The following ROBO1 variants were observed in gnomAD, a reference collection of about 807,000 sequenced individuals.
ROBO1 encodes roundabout guidance receptor 1.
Under a neutral mutation model 195.9 loss-of-function variants are expected in ROBO1, and 149 were observed. The ratio of observed to expected loss-of-function variants is 0.76; its 90% CI spans 0.67 to 0.87. ROBO1 has a LOEUF of 0.87. Among genes scored for constraint, ROBO1 ranks in the 40% least tolerant of loss-of-function variants. The pLI, the probability that ROBO1 is intolerant of heterozygous loss-of-function variation, is 0.00. For synonymous variants in ROBO1, 816 were observed against 733.2 expected, an observed-to-expected ratio of 1.11 and a Z score of -1.82; for missense variants, 1,933 against 2,068.3, an observed-to-expected ratio of 0.93 and a Z score of 1.27.
intron 2 of ROBO1, among the ~76,000 whole-genome samples, chr3:79,230,549 GCC>G (rs1187470428): frequency 6.6e-6 from 1 of 151,946 alleles, no homozygotes; most frequent in Non-Finnish European, 1.5e-5. Context: ...GTTTACACTG[GCC>G]TAGGGAGGTG....
At chr3:78,661,407 A>G in intron 15 of ROBO1, 146 bp from the exon 16 acceptor site, 1 of 483,820 alleles carries the variant, frequency 2.1e-6, no homozygotes, top group Non-Finnish European at 3.5e-6. Context: ...AGAATTAGAA[A>G]GGAAAAAATA....
At chr3:79,066,234 T>G (rs539130415) in intron 3 of ROBO1, among the ~76,000 whole-genome samples, 1 of 151,924 alleles carries the variant, frequency 6.6e-6, no homozygotes. Flanking sequence ...GGAAAAGGAT[T>G]ATTGAAAAAG....
intron 28 of ROBO1, among the ~76,000 whole-genome samples, chr3:78,611,161 CATT>C (rs1187532150): frequency 6.6e-6 from 1 of 152,196 alleles, no homozygotes; most frequent in Non-Finnish European, 1.5e-5. Flanking sequence ...ATTCTGCCAA[CATT>C]AACCTGCTAT....
At chr3:79,490,928 G>A (rs1939420491) in intron 2 of ROBO1, among the ~76,000 whole-genome samples, 1 of 151,896 alleles carries the variant, frequency 6.6e-6, no homozygotes, top group African/African-American at 2.4e-5. Flanking sequence ...TAAACTCCCA[G>A]TCCTCTTCCC....
At chr3:79,106,713 ACT>A (rs2079788269) in intron 3 of ROBO1, among the ~76,000 whole-genome samples, 1 of 151,608 alleles carries the variant, frequency 6.6e-6, no homozygotes, top group African/African-American at 2.4e-5. Flanking sequence ...CAATACAGAC[ACT>A]AAAAAAAAAA....
chr3:79,238,199 T>C (rs2082449689), intron 2 of ROBO1, among the ~76,000 whole-genome samples: 1 of 152,218 alleles, frequency 6.6e-6, no homozygotes, highest in Admixed American at 6.5e-5. Context: ...TTATCTAATT[T>C]TAAAATATAG....
intron 4 of ROBO1, among the ~76,000 whole-genome samples, chr3:78,861,088 T>G (rs532173709): frequency 5.3e-5 from 8 of 152,286 alleles, no homozygotes; most frequent in African/African-American, 1.4e-4. Context: ...GGCCTGAAAC[T>G]CTTTCAATTT....
At chr3:79,298,938 C>T (rs73122569) in intron 2 of ROBO1, among the ~76,000 whole-genome samples, 15,234 of 152,072 alleles carry the variant, frequency 0.1, 822 homozygotes, top group Middle Eastern at 0.14. Flanking sequence ...ATTTCAAACA[C>T]ATTTAATATA....
intron 2 of ROBO1, among the ~76,000 whole-genome samples, chr3:79,244,544 T>C (rs1422281248): frequency 6.6e-6 from 1 of 152,150 alleles, no homozygotes; most frequent in Non-Finnish European, 1.5e-5. Context: ...GCTTTGCTTT[T>C]GTGAAAAACA....
intron 2 of ROBO1, among the ~76,000 whole-genome samples, chr3:79,484,512 T>C (rs537170198): frequency 6.6e-6 from 1 of 152,190 alleles, no homozygotes; most frequent in East Asian, 1.9e-4. Context: ...TATGTGTGTG[T>C]GTGTATATAT....
In ROBO1 at chr3:79,478,034, T is replaced by G. The variant is rs73129056; in HGVS notation, c.88+111790A>C. On this transcript the variant is annotated intron_variant, in intron 2 of 30. Coordinates refer to ENST00000464233, the MANE Select transcript of ROBO1 (RefSeq NM_002941.4). ...TGCATGTTTTCCCTTCTTCATTTTG[T>G]ATATGTCATAACCTTACCCTTTATG... Among the ~76,000 whole-genome samples the G allele has an allele frequency of 4.1e-3, 620 of 152,304 alleles. 4 individuals carry two copies. The highest frequency in any genetic ancestry group is 4.5e-3 in the Non-Finnish European group (305 of 68,036).
chr3:78,673,550 G>A (rs1310139997), intron 10 of ROBO1, among the ~76,000 whole-genome samples: 5 of 81,838 alleles, frequency 6.1e-5, no homozygotes, highest in Admixed American at 3.2e-4. Flanking sequence ...TTACAGCTAG[G>A]TTACATATAT....
chr3:78,918,472 A>T (rs2038759264), intron 4 of ROBO1, among the ~76,000 whole-genome samples: 1 of 152,200 alleles, frequency 6.6e-6, no homozygotes, highest in Non-Finnish European at 1.5e-5. Flanking sequence ...TCAGAGAACT[A>T]AAATTAGTTA....
chr3:79,183,312 A>C (rs931795770), intron 2 of ROBO1, among the ~76,000 whole-genome samples: 2 of 152,200 alleles, frequency 1.3e-5, no homozygotes, highest in African/African-American at 2.4e-5. Context: ...TCTTTGAAAC[A>C]CCTGAAAGAG....
At chr3:79,495,457 C>T (rs188440521) in intron 2 of ROBO1, among the ~76,000 whole-genome samples, 106 of 152,188 alleles carry the variant, frequency 7.0e-4, no homozygotes, top group Middle Eastern at 3.4e-3. Flanking sequence ...TCAAAAATGA[C>T]ATCCTGAAAA....
intron 1 of ROBO1, among the ~76,000 whole-genome samples, chr3:79,626,111 G>A (rs1264197747): frequency 1.3e-5 from 2 of 152,166 alleles, no homozygotes; most frequent in Admixed American, 6.6e-5. Context: ...TATCTCAATA[G>A]ATGCAGAAAA....
intron 2 of ROBO1, among the ~76,000 whole-genome samples, chr3:79,418,844 A>T (rs1417348058): frequency 6.6e-6 from 1 of 152,170 alleles, no homozygotes; most frequent in East Asian, 1.9e-4. Flanking sequence ...GATTCTAAAA[A>T]ATTAAATAAA....
intron 1 of ROBO1, among the ~76,000 whole-genome samples, chr3:79,650,397 A>G (rs1415098240): frequency 4.6e-5 from 7 of 151,770 alleles, no homozygotes; most frequent in Non-Finnish European, 1.0e-4. Flanking sequence ...TAACCATTAA[A>G]TAGACTGAAT....
At chr3:79,200,462 T>C (rs538632273) in intron 2 of ROBO1, among the ~76,000 whole-genome samples, 18 of 151,944 alleles carry the variant, frequency 1.2e-4, no homozygotes, top group African/African-American at 4.3e-4. Context: ...ACCTTAATTT[T>C]GCTAACTCTT....
Sources: allele counts gnomAD v4.1 joint callset (sites outside exome capture counted in the v4.1 genomes callset), GRCh38; gene constraint gnomAD v4.1.1; transcripts MANE v1.5; gene names NCBI Gene and HGNC (gene_info 2026-07-23, HGNC 2026-07-21).